ZC2HC1C: variants seen among roughly 807,000 people sequenced by gnomAD.
The protein encoded by ZC2HC1C is zinc finger C2HC-type containing 1C.
ZC2HC1C carries 25 observed loss-of-function variants against 39.2 expected under a neutral mutation model. The ratio of observed to expected loss-of-function variants is 0.64; its 90% CI spans 0.47 to 0.89. The LOEUF is 0.89. ZC2HC1C is among the 40% of genes least tolerant of loss of function. The probability of loss-of-function intolerance (pLI) is 0.00; values close to 1 mark genes in which losing one functional copy is unlikely to be tolerated. For missense variants in ZC2HC1C, 519 were observed against 548.6 expected, an observed-to-expected ratio of 0.95 and a Z score of 0.54; for synonymous variants, 209 against 214.4, an observed-to-expected ratio of 0.97 and a Z score of 0.22.
rs1291555031 is a variant in ZC2HC1C at position 75,071,798 on chromosome 14, A to T, written c.1225A>T (p.Ile409Phe). 6.2e-7 allele frequency: 1 copy of T among 1,614,196 alleles called. No homozygotes were observed. ...GTTCAGGCTGGAGAGACACTCCAAC[A>T]TCTGCAGCAGGATGCGGGGTTCCAA... is the stretch of plus-strand genomic sequence containing the variant. Reference protein sequence around the residue: ...LSFRLERHSNICSRMRGSKRK... With the variant: ...LSFRLERHSNFCSRMRGSKRK... Residue 409 changes from isoleucine (I) to phenylalanine (F), a missense_variant, in exon 2 of 3, where the codon ATC becomes TTC. Coordinates refer to ENST00000524913, the MANE Select transcript of ZC2HC1C (RefSeq NM_024643.4).
chr14:75,076,280 A>T (rs1306472651), intron 2 of ZC2HC1C, among the ~76,000 whole-genome samples: 3 of 151,444 alleles, frequency 2.0e-5, no homozygotes, highest in Non-Finnish European at 2.9e-5. Context: ...TTATTTATTT[A>T]TTTTTTGAGA....
At chr14:75,074,621 G>C (rs1405258091) in intron 2 of ZC2HC1C, among the ~76,000 whole-genome samples, 1 of 152,058 alleles carries the variant, frequency 6.6e-6, no homozygotes, top group African/African-American at 2.4e-5. Flanking sequence ...GCCCAGGCTG[G>C]AGTGCAGTGG....
rs1203859569 is a variant in ZC2HC1C, at chr14:75,078,576, T to G, written c.*1012T>G. ...AAATCGGTTTGGCTAAATGACTGTT[T>G]AGAGGCAGCAAAATCTACCATCAAA... On this transcript the variant is annotated 3_prime_UTR_variant, in exon 3 of 3. Coordinates refer to ENST00000524913, the MANE Select transcript of ZC2HC1C (RefSeq NM_024643.4). 1 of 152,202 alleles carries G rather than the reference T, an allele frequency of 6.6e-6. No homozygotes were observed. Among genetic ancestry groups the G allele is most frequent in the South Asian group, 2.1e-4 (1 of 4,824 alleles). 9.4% of individuals were successfully genotyped at this position (152,202 alleles called of 1,614,324 possible).
At position 75,077,601 on chromosome 14, in the gene ZC2HC1C, C is replaced by T. The variant is rs376265959; in HGVS notation, c.*37C>T. 35 of 1,613,636 alleles carry T rather than the reference C, an allele frequency of 2.2e-5. No homozygotes were observed. Among genetic ancestry groups the T allele is most frequent in the African/African-American group, 2.1e-4 (16 of 74,896 alleles). On this transcript the variant is annotated 3_prime_UTR_variant, in exon 3 of 3. Coordinates refer to ENST00000524913, the MANE Select transcript of ZC2HC1C (RefSeq NM_024643.4). ...TTTTATCCATACGTTCCGCCAGGCT[C>T]GAGAGGTCCAGCAGGTAACTGCCAA...
rs1026598555 is a variant in ZC2HC1C at position 75,079,769 on chromosome 14, A to C, written c.*2205A>C. Reference sequence around the variant, plus strand: ...AGATGCTCCTCCAGATGGGAATGGTAGCACCAGACCACTGCAGTCTCACTT... The same window carrying C: ...AGATGCTCCTCCAGATGGGAATGGTCGCACCAGACCACTGCAGTCTCACTT... On this transcript the variant is annotated 3_prime_UTR_variant, in exon 3 of 3. Transcript: ENST00000524913. 5 of 152,228 alleles carry C rather than the reference A, an allele frequency of 3.3e-5. No individual in the cohort carries two copies. Among genetic ancestry groups the C allele is most frequent in the African/African-American group, 1.2e-4 (5 of 41,474 alleles). The allele number at this position is 152,228 out of a possible 1,614,324, so 9.4% of individuals were successfully genotyped here. A position where few individuals can be genotyped will look rare whatever the true frequency, so the allele number is the denominator to read the frequency against.
chr14:75,075,675 A>G (rs996887467), intron 2 of ZC2HC1C, among the ~76,000 whole-genome samples: 2 of 152,206 alleles, frequency 1.3e-5, no homozygotes, highest in African/African-American at 4.8e-5. Flanking sequence ...AAACTTTACA[A>G]TAATTGTGCT....
Position 75,078,923 on chromosome 14 carries a change from A to G in ZC2HC1C, c.*1359A>G, listed in dbSNP as rs1375473524. On this transcript the variant is annotated 3_prime_UTR_variant, in exon 3 of 3. Transcript: ENST00000524913. ...GTCTGGAGATTTAAAATTAAACAAG[A>G]AGATGAGTGAGTCCTACACTAGTGA... 6.6e-6 allele frequency: 1 copy of G among 151,656 alleles called. No homozygotes were observed. Among genetic ancestry groups the G allele is most frequent in the African/African-American group, 2.4e-5 (1 of 41,408 alleles). The allele number at this position is 151,656 out of a possible 1,614,324, so 9.4% of individuals were successfully genotyped here. A position where few individuals can be genotyped will look rare whatever the true frequency, so the allele number is the denominator to read the frequency against.
In ZC2HC1C at chr14:75,071,760, G is replaced by A. The variant is rs1264542848; in HGVS notation, c.1187G>A (p.Arg396His). ...PQLGECSHCG[R>H]KFLSFRLERH... ...CTGGGTGAGTGCAGCCACTGTGGGC[G>A]CAAATTCCTCTCGTTCAGGCTGGAG... Residue 396 changes from arginine (R) to histidine (H), a missense_variant, in exon 2 of 3, where the codon CGC (arginine) becomes CAC (histidine). By Grantham distance (29) the Arg-to-His change is conservative. Transcript: ENST00000524913. 11 of 1,614,008 alleles carry A rather than the reference G, an allele frequency of 6.8e-6. No individual in the cohort carries two copies. The highest frequency in any genetic ancestry group is 5.0e-5 in the Admixed American group (3 of 59,988).
intron 2 of ZC2HC1C, among the ~76,000 whole-genome samples, chr14:75,072,402 A>AAGG (rs1893469763): frequency 6.6e-6 from 1 of 152,208 alleles, no homozygotes; most frequent in African/African-American, 2.4e-5. Flanking sequence ...TCCTTTAACT[A>AAGG]TTCACTCTTT....
In ZC2HC1C at chr14:75,079,230, A is replaced by G. The variant is rs1053941801; in HGVS notation, c.*1666A>G. 1.3e-5 allele frequency: 2 copies of G among 151,926 alleles called. No individual in the cohort carries two copies. Among genetic ancestry groups the G allele is most frequent in the African/African-American group, 4.8e-5 (2 of 41,482 alleles). 9.4% of individuals were successfully genotyped at this position (151,926 alleles called of 1,614,324 possible). ...GACTCCATCTCAAAAAAAAAAAAAAAAAAAAGAAAAAAAAATTGGGCTAAC... is the reference window on the plus strand; with the variant it reads ...GACTCCATCTCAAAAAAAAAAAAAAGAAAAAGAAAAAAAAATTGGGCTAAC... On this transcript the variant is annotated 3_prime_UTR_variant, in exon 3 of 3. Coordinates refer to ENST00000524913, the MANE Select transcript of ZC2HC1C (RefSeq NM_024643.4).
At chr14:75,077,443 C>A in intron 2 of ZC2HC1C, 89 bp from the exon 3 acceptor site, 5 of 1,537,302 alleles carry the variant, frequency 3.3e-6, no homozygotes, top group Non-Finnish European at 4.5e-6. Context: ...AGATTAGTAC[C>A]CTTTTCATTT....
Position 75,077,638 on chromosome 14 carries a change from G to A in ZC2HC1C, c.*74G>A. 3 of 1,579,814 alleles carry A rather than the reference G, an allele frequency of 1.9e-6. No individual in the cohort carries two copies. The highest frequency in any genetic ancestry group is 2.6e-6 in the Non-Finnish European group (3 of 1,151,746). On this transcript the variant is annotated 3_prime_UTR_variant, in exon 3 of 3. Coordinates refer to ENST00000524913, the MANE Select transcript of ZC2HC1C (RefSeq NM_024643.4). ...CAGGTAACTGCCAAAGGTGGAAACT[G>A]TTCACACTTGCCTCCCATCCTGCCT...
At position 75,076,063 on chromosome 14, in the gene ZC2HC1C, C is replaced by T. The variant is rs868622783; in HGVS notation, c.1339-1469C>T. Among the ~76,000 whole-genome samples the T allele has an allele frequency of 3.3e-5, 5 of 151,940 alleles. No individual in the cohort carries two copies. In the South Asian group the frequency reaches 1.0e-3, roughly 32 times the overall value. On this transcript the variant is annotated intron_variant, in intron 2 of 2. Transcript: ENST00000524913. ...CAAAGCAAGACTCCATCTCAAATAA[C>T]AACAACAACAAAAACAAAACAAAAC...
At position 75,070,537 on chromosome 14, in the gene ZC2HC1C, G is replaced by A; in HGVS notation, c.-19-18G>A. ...TCAGACAAACTCTTCCCGTGTATCT[G>A]GTTTAAATCTCCCGTAGGCGTCAGT... On this transcript the variant is annotated intron_variant, in intron 1 of 2. Coordinates refer to ENST00000524913, the MANE Select transcript of ZC2HC1C (RefSeq NM_024643.4). 2 of 1,559,656 alleles carry A rather than the reference G, an allele frequency of 1.3e-6. No homozygotes were observed. Among genetic ancestry groups the A allele is most frequent in the Non-Finnish European group, 1.7e-6 (2 of 1,156,662 alleles).
rs962049786 is a variant in ZC2HC1C at position 75,071,032 on chromosome 14, T to C, written c.459T>C (p.Gly153=). Residue 153 remains glycine, a synonymous_variant, in exon 2 of 3, where the codon GGT becomes GGC. Transcript: ENST00000524913. ...TCCACAGGAAGTCGTGCAGTACAGG[T>C]GAGGCTGGCACTGATGGGGACCATA... ...PMVHRKSCST[G]EAGTDGDHNV... is the part of the protein sequence containing the mutation. 14 of 1,613,958 alleles carry C rather than the reference T, an allele frequency of 8.7e-6. No homozygotes were observed. The Admixed American group carries it at 1.5e-4, about 17-fold the overall frequency.
Position 75,071,401 on chromosome 14 carries a change from T to C in ZC2HC1C, c.828T>C (p.Asn276=), listed in dbSNP as rs776532534. The C allele has an allele frequency of 3.1e-6, 5 of 1,614,028 alleles. No homozygotes were observed. The highest frequency in any genetic ancestry group is 1.1e-5 in the South Asian group (1 of 91,068). ...IILPRSRVKG[N]KSNTMYKPIF... is the part of the protein sequence containing the mutation. ...TCCCCAGGAGCAGAGTTAAAGGTAATAAAAGCAACACCATGTACAAACCTA... is the reference window on the plus strand; with the variant it reads ...TCCCCAGGAGCAGAGTTAAAGGTAACAAAAGCAACACCATGTACAAACCTA... Residue 276 remains asparagine, a synonymous_variant, in exon 2 of 3, where the codon AAT becomes AAC. Coordinates refer to ENST00000524913, the MANE Select transcript of ZC2HC1C (RefSeq NM_024643.4).
At chr14:75,070,512 T>A in intron 1 of ZC2HC1C, 43 bp from the exon 2 acceptor site, 2 of 1,533,344 alleles carry the variant, frequency 1.3e-6, no homozygotes, top group Non-Finnish European at 1.7e-6. Context: ...AGAGTGAACC[T>A]CAGACAAACT....
At chr14:75,077,082 A>G (rs895493365) in intron 2 of ZC2HC1C, among the ~76,000 whole-genome samples, 3 of 152,278 alleles carry the variant, frequency 2.0e-5, no homozygotes, top group East Asian at 3.9e-4. Context: ...CTTGTACTTA[A>G]TCCCCATTTT....
chr14:75,070,778 T>C lies in ZC2HC1C; in HGVS notation c.205T>C (p.Tyr69His). 2 of 1,614,196 alleles carry C rather than the reference T, an allele frequency of 1.2e-6. No individual in the cohort carries two copies. Among genetic ancestry groups the C allele is most frequent in the South Asian group, 2.2e-5 (2 of 91,080 alleles). The change falls in exon 2 of 3, where the codon TAT becomes CAT. Residue 69 changes from tyrosine to histidine, a missense_variant. Coordinates refer to ENST00000524913, the MANE Select transcript of ZC2HC1C (RefSeq NM_024643.4). ...CAAAGAGTTGATTCTGGATAAAGTC[T>C]ATACTCACCCCAAATGGAACACCCA... ...SNKELILDKVYTHPKWNTQTK... is the reference protein window; with the variant it reads ...SNKELILDKVHTHPKWNTQTK...
Sources: gnomAD v4.1 joint callset for allele counts (sites outside exome capture counted in the v4.1 genomes callset) on GRCh38, gnomAD v4.1.1 for gene constraint, MANE v1.5 for transcripts, NCBI Gene and HGNC (gene_info 2026-07-23, HGNC 2026-07-21) for gene names.